Variants in MAPKAP1 observed in about 807,000 individuals in gnomAD.
MAPKAP1 encodes MAPK associated protein 1.
In MAPKAP1, 20 loss-of-function variants were observed where a neutral mutation model predicts 65.7. The observed-to-expected ratio is 0.30, with a 90% CI of 0.21 to 0.44. The LOEUF is 0.44. Ranked by LOEUF, MAPKAP1 falls within the 20% of genes least tolerant of loss-of-function variation. MAPKAP1 has a pLI of 1.00. For synonymous variants in MAPKAP1, 222 were observed against 244.3 expected (o/e 0.91, Z 0.85); for missense variants, 423 against 648.0 (o/e 0.65, Z 3.77).
chr9:125,456,143 T>C (rs1424091877), intron 10 of MAPKAP1, among the ~76,000 whole-genome samples: 3 of 128,716 alleles, frequency 2.3e-5, no homozygotes, highest in African/African-American at 9.4e-5. Flanking sequence ...CTACGTAATA[T>C]GTCTTCTTCG....
intron 7 of MAPKAP1, among the ~76,000 whole-genome samples, chr9:125,514,627 G>T (rs754976296): frequency 3.9e-5 from 6 of 152,178 alleles, no homozygotes; most frequent in Non-Finnish European, 8.8e-5. Context: ...TGTTCAAGGA[G>T]GAGCTGAGGC....
intron 1 of MAPKAP1, among the ~76,000 whole-genome samples, chr9:125,694,971 T>C (rs1835340465): frequency 6.6e-6 from 1 of 152,252 alleles, no homozygotes; most frequent in East Asian, 1.9e-4. Context: ...TAGTTTAGGA[T>C]AGATAAATCT....
intron 10 of MAPKAP1, among the ~76,000 whole-genome samples, chr9:125,459,871 G>GCTGATCATTTCTTAAAAACTA (rs1853413793): frequency 6.6e-6 from 1 of 151,614 alleles, no homozygotes; most frequent in South Asian, 2.1e-4. Flanking sequence ...GGGAGAGGGA[G>GCTGATCATTTCTTAAAAACTA]AGGGACGCAT....
At chr9:125,578,575 C>CA (rs1402508957) in intron 5 of MAPKAP1, among the ~76,000 whole-genome samples, 3 of 151,720 alleles carry the variant, frequency 2.0e-5, no homozygotes, top group Non-Finnish European at 2.9e-5. Flanking sequence ...GAAGAAAGAG[C>CA]AAAGAAGAGC....
chr9:125,582,566 G>A (rs947802901), intron 5 of MAPKAP1, among the ~76,000 whole-genome samples: 8 of 152,192 alleles, frequency 5.3e-5, no homozygotes, highest in East Asian at 3.9e-4. Context: ...GATAGTTCAG[G>A]GTTCCTGTAA....
At chr9:125,667,543 T>C (rs956437128) in intron 3 of MAPKAP1, among the ~76,000 whole-genome samples, 1 of 152,154 alleles carries the variant, frequency 6.6e-6, no homozygotes, top group African/African-American at 2.4e-5. Context: ...GTCTTAAAAC[T>C]CCTGACCTCA....
chr9:125,706,347 G>C (rs1435431539), intron 1 of MAPKAP1, among the ~76,000 whole-genome samples: 1 of 152,030 alleles, frequency 6.6e-6, no homozygotes, highest in Non-Finnish European at 1.5e-5. Flanking sequence ...TTTGTACAGT[G>C]CCAGGTACTG....
chr9:125,568,731 G>T (rs1056004313), intron 5 of MAPKAP1: 6 of 152,790 alleles, frequency 3.9e-5, no homozygotes, highest in African/African-American at 1.5e-4. Flanking sequence ...TGGCCAGAAT[G>T]AAAAAAAATA....
intron 10 of MAPKAP1, among the ~76,000 whole-genome samples, chr9:125,449,945 T>G (rs1852880514): frequency 6.6e-6 from 1 of 152,000 alleles, no homozygotes; most frequent in South Asian, 2.1e-4. Context: ...TTTTTTGAGA[T>G]GGAGTCTCAC....
intron 8 of MAPKAP1, among the ~76,000 whole-genome samples, chr9:125,496,920 C>T (rs1270342187): frequency 6.6e-6 from 1 of 152,082 alleles, no homozygotes; most frequent in African/African-American, 2.4e-5. Flanking sequence ...CCACAGACAC[C>T]AGGATGCAGA....
chr9:125,507,809 A>C (rs1564535555), intron 7 of MAPKAP1, among the ~76,000 whole-genome samples: 2 of 152,214 alleles, frequency 1.3e-5, no homozygotes, highest in Non-Finnish European at 2.9e-5. Flanking sequence ...CACTATATTT[A>C]TATCAAAAAG....
chr9:125,503,925 C>T (rs535212414), intron 8 of MAPKAP1, among the ~76,000 whole-genome samples: 3 of 109,260 alleles, frequency 2.7e-5, no homozygotes, highest in East Asian at 6.0e-4. Flanking sequence ...TTGGTAGAGA[C>T]GGGGGTTTGC....
At chr9:125,573,938 A>G (rs534646360) in intron 5 of MAPKAP1, among the ~76,000 whole-genome samples, 1 of 152,308 alleles carries the variant, frequency 6.6e-6, no homozygotes, top group African/African-American at 2.4e-5. Context: ...TAATTATTTT[A>G]GTTATTTGCC....
chr9:125,531,264 G>T (rs1441212053), intron 7 of MAPKAP1, among the ~76,000 whole-genome samples: 1 of 152,196 alleles, frequency 6.6e-6, no homozygotes, highest in Non-Finnish European at 1.5e-5. Flanking sequence ...TTGGCCATTT[G>T]GCTTTGAGTC....
chr9:125,689,238 A>C (rs181965465), intron 1 of MAPKAP1, among the ~76,000 whole-genome samples: 353 of 150,294 alleles, frequency 2.3e-3, no homozygotes, highest in Middle Eastern at 0.01. Flanking sequence ...GAGATAGAGA[A>C]CATCCTGGCT....
intron 1 of MAPKAP1, among the ~76,000 whole-genome samples, chr9:125,686,211 C>T (rs965885285): frequency 2.7e-5 from 4 of 150,140 alleles, no homozygotes; most frequent in African/African-American, 9.8e-5. Context: ...TACTCCCAGG[C>T]TGAGGCGGGA....
intron 1 of MAPKAP1, among the ~76,000 whole-genome samples, chr9:125,696,684 A>G (rs1234366279): frequency 2.6e-5 from 4 of 152,152 alleles, no homozygotes; most frequent in Admixed American, 2.0e-4. Flanking sequence ...GGACTTTCCA[A>G]TGGTAGTGAT....
At chr9:125,464,520 C>T (rs745584785) in intron 10 of MAPKAP1, among the ~76,000 whole-genome samples, 3 of 152,130 alleles carry the variant, frequency 2.0e-5, no homozygotes, top group Non-Finnish European at 4.4e-5. Flanking sequence ...GCTTGTGATA[C>T]ACAGATTCTC....
intron 1 of MAPKAP1, among the ~76,000 whole-genome samples, chr9:125,676,230 C>A (rs1050463010): frequency 1.3e-5 from 2 of 152,150 alleles, no homozygotes; most frequent in Admixed American, 6.5e-5. Flanking sequence ...TGAATACTAT[C>A]TGGGCAATCC....
Sources: allele counts gnomAD v4.1 joint callset (sites outside exome capture counted in the v4.1 genomes callset), GRCh38; gene constraint gnomAD v4.1.1; transcripts MANE v1.5; gene names NCBI Gene and HGNC (gene_info 2026-07-23, HGNC 2026-07-21).